The following FOXO1 variants were observed in gnomAD, a reference collection of about 807,000 sequenced individuals.
The protein encoded by FOXO1 is forkhead box O1, also known as forkhead box protein O1.
FOXO1 carries 6 observed loss-of-function variants against 44.1 expected under a neutral mutation model. That is an observed-to-expected ratio of 0.14 (90% CI 0.07 to 0.27). FOXO1 has a LOEUF of 0.27. Among genes scored for constraint, FOXO1 ranks in the 10% least tolerant of loss-of-function variants. The probability of loss-of-function intolerance (pLI) is 1.00; values close to 1 mark genes in which losing one functional copy is unlikely to be tolerated. For missense variants in FOXO1, 737 were observed against 888.8 expected, an observed-to-expected ratio of 0.83 and a Z score of 2.17; for synonymous variants, 380 against 362.7, an observed-to-expected ratio of 1.05 and a Z score of -0.54.
At chr13:40,584,690 T>C (rs1366634199) in intron 1 of FOXO1, among the ~76,000 whole-genome samples, 1 of 152,108 alleles carries the variant, frequency 6.6e-6, no homozygotes, top group East Asian at 1.9e-4. Flanking sequence ...TTTGGATGAA[T>C]CTACAGAGAC....
chr13:40,655,342 C>T (rs1284876526), intron 1 of FOXO1, among the ~76,000 whole-genome samples: 3 of 133,366 alleles, frequency 2.2e-5, no homozygotes, highest in Non-Finnish European at 4.8e-5. Flanking sequence ...GAGTTAGACC[C>T]CATCTCAAAA....
chr13:40,638,902 C>G (rs1877254452), intron 1 of FOXO1, among the ~76,000 whole-genome samples: 1 of 152,042 alleles, frequency 6.6e-6, no homozygotes, highest in Non-Finnish European at 1.5e-5. Flanking sequence ...AACTCCAGAA[C>G]AGTCACTAAG....
rs1873796945 is a variant in FOXO1, at chr13:40,557,378, AC to A, written c.*1670del. 6.6e-6 allele frequency: 1 copy of A among 152,256 alleles called. No individual in the cohort carries two copies. The highest frequency in any genetic ancestry group is 2.4e-5 in the African/African-American group (1 of 41,464). 9.4% of individuals were successfully genotyped at this position (152,256 alleles called of 1,614,324 possible). ...GTAATAAAACATAATGATAGGAATT[AC>A]AGTTTAGGTTGCTACAGGCTAAAGA... is the stretch of plus-strand genomic sequence containing the variant. On this transcript the variant is annotated 3_prime_UTR_variant, in exon 3 of 3. Coordinates refer to ENST00000379561, the MANE Select transcript of FOXO1 (RefSeq NM_002015.4).
intron 1 of FOXO1, chr13:40,611,109 A>G (rs1382548430): frequency 6.6e-6 from 3 of 452,828 alleles, no homozygotes; most frequent in Middle Eastern, 3.3e-4. Flanking sequence ...TACTGCACAT[A>G]GGCTGTAAAA....
intron 1 of FOXO1, among the ~76,000 whole-genome samples, chr13:40,568,421 C>T (rs968362611): frequency 1.2e-4 from 18 of 152,196 alleles, no homozygotes; most frequent in African/African-American, 4.3e-4. Flanking sequence ...TGCACTTCCA[C>T]AAGTGAAAAC....
intron 1 of FOXO1, among the ~76,000 whole-genome samples, chr13:40,635,834 C>A (rs1877126793): frequency 6.6e-6 from 1 of 152,194 alleles, no homozygotes; most frequent in African/African-American, 2.4e-5. Flanking sequence ...TCCCAGCCAT[C>A]AGGATGAGCT....
intron 1 of FOXO1, among the ~76,000 whole-genome samples, chr13:40,663,950 A>C (rs1878126858): frequency 6.6e-6 from 1 of 152,196 alleles, no homozygotes; most frequent in Non-Finnish European, 1.5e-5. Flanking sequence ...GGAGTCCAAT[A>C]TGAGAGGCGA....
chr13:40,599,113 A>T lies in FOXO1; in HGVS notation c.631-38253T>A, dbSNP rs562427988. 1.2e-4 allele frequency among the ~76,000 whole-genome samples: 18 copies of T among 147,124 alleles called. No individual in the cohort carries two copies. The South Asian group carries it at 3.7e-3, about 30-fold the overall frequency. ...CTGCCATTATTTCTATTGATCAAAA[A>T]TTTACACTATAAACAAGAAAAAAAA... is the stretch of plus-strand genomic sequence containing the variant. On this transcript the variant is annotated intron_variant, in intron 1 of 2. Transcript: ENST00000379561.
At chr13:40,581,475 T>C (rs1253774812) in intron 1 of FOXO1, among the ~76,000 whole-genome samples, 2 of 152,222 alleles carry the variant, frequency 1.3e-5, no homozygotes, top group African/African-American at 4.8e-5. Context: ...TTTCACCTGT[T>C]TGAACCAAAC....
chr13:40,622,104 T>G (rs1369856608), intron 1 of FOXO1, among the ~76,000 whole-genome samples: 1 of 152,148 alleles, frequency 6.6e-6, no homozygotes, highest in African/African-American at 2.4e-5. Context: ...TAATGGAAAA[T>G]TTAGGACATA....
At chr13:40,635,233 T>C (rs1877107422) in intron 1 of FOXO1, among the ~76,000 whole-genome samples, 1 of 152,230 alleles carries the variant, frequency 6.6e-6, no homozygotes, top group African/African-American at 2.4e-5. Context: ...TGGTTCCCAT[T>C]CACTGTTTAT....
At chr13:40,568,480 TAATAA>T (rs1317397769) in intron 1 of FOXO1, among the ~76,000 whole-genome samples, 1 of 152,314 alleles carries the variant, frequency 6.6e-6, no homozygotes, top group East Asian at 1.9e-4. Flanking sequence ...TAAGAGTTAC[TAATAA>T]AACAACAACT....
At chr13:40,662,932 C>T (rs1878083073) in intron 1 of FOXO1, among the ~76,000 whole-genome samples, 1 of 152,188 alleles carries the variant, frequency 6.6e-6, no homozygotes, top group Non-Finnish European at 1.5e-5. Flanking sequence ...TTGGTTTTAA[C>T]AAGTAACTCA....
intron 1 of FOXO1, among the ~76,000 whole-genome samples, chr13:40,595,768 A>T (rs1265663921): frequency 1.3e-5 from 2 of 152,090 alleles, no homozygotes; most frequent in African/African-American, 2.4e-5. Context: ...TCTTCTGAGC[A>T]TATCACCTCA....
At chr13:40,654,492 C>T (rs1877791999) in intron 1 of FOXO1, among the ~76,000 whole-genome samples, 1 of 131,818 alleles carries the variant, frequency 7.6e-6, no homozygotes, top group Admixed American at 7.7e-5. Context: ...CAGAGCGAGA[C>T]TCTGTCACAA....
chr13:40,558,739 G>C lies in FOXO1; in HGVS notation c.*310C>G. ...TATACAAAACTTGAAAGCACACCAG[G>C]ATCTGAAAATCTTTTCTGCAATTAT... is the stretch of plus-strand genomic sequence containing the variant. On this transcript the variant is annotated 3_prime_UTR_variant, in exon 3 of 3. Transcript: ENST00000379561. 3 of 398,484 alleles carry C rather than the reference G, an allele frequency of 7.5e-6. No homozygotes were observed. The highest frequency in any genetic ancestry group is 1.3e-5 in the Non-Finnish European group (3 of 225,852). The allele number at this position is 398,484 out of a possible 1,614,324, so 24.7% of individuals were successfully genotyped here. A position where few individuals can be genotyped will look rare whatever the true frequency, so the allele number is the denominator to read the frequency against.
intron 1 of FOXO1, among the ~76,000 whole-genome samples, chr13:40,630,594 G>A (rs1229868974): frequency 6.6e-6 from 1 of 152,004 alleles, no homozygotes; most frequent in Non-Finnish European, 1.5e-5. Flanking sequence ...GGTGGAGGTT[G>A]GGGTGGGCCG....
chr13:40,663,358 A>G (rs1489025322), intron 1 of FOXO1, among the ~76,000 whole-genome samples: 1 of 152,262 alleles, frequency 6.6e-6, no homozygotes, highest in Non-Finnish European at 1.5e-5. Context: ...GTTTAAGACT[A>G]ACACTCTGAC....
chr13:40,573,761 C>T (rs2137840765), intron 1 of FOXO1, among the ~76,000 whole-genome samples: 1 of 152,342 alleles, frequency 6.6e-6, no homozygotes, highest in Middle Eastern at 3.4e-3. Flanking sequence ...TTATCGACAT[C>T]ATTTTAAGAA....
Sources: gnomAD v4.1 joint callset for allele counts (sites outside exome capture counted in the v4.1 genomes callset) on GRCh38, gnomAD v4.1.1 for gene constraint, MANE v1.5 for transcripts, NCBI Gene and HGNC (gene_info 2026-07-23, HGNC 2026-07-21) for gene names.